ANO2: variants seen among roughly 807,000 people sequenced by gnomAD.
The protein encoded by ANO2 is anoctamin-2.
ANO2 carries 101 observed loss-of-function variants against 124.2 expected under a neutral mutation model. The ratio of observed to expected loss-of-function variants is 0.81; its 90% CI spans 0.69 to 0.96. The LOEUF is 0.96. Among genes scored for constraint, ANO2 ranks in the 40% least tolerant of loss-of-function variants. ANO2 has a pLI of 0.00. For missense variants in ANO2, 1,293 were observed against 1,274.5 expected (o/e 1.01, Z -0.22); for synonymous variants, 486 against 482.5 (o/e 1.01, Z -0.09).
intron 16 of ANO2, among the ~76,000 whole-genome samples, chr12:5,623,248 G>A (rs1005304610): frequency 6.6e-6 from 1 of 152,144 alleles, no homozygotes; most frequent in African/African-American, 2.4e-5. Context: ...GAATCTAATG[G>A]AGAGAGGGTG....
chr12:5,814,509 AC>A (rs1380987496), intron 7 of ANO2, among the ~76,000 whole-genome samples: 1 of 140,776 alleles, frequency 7.1e-6, no homozygotes, highest in African/African-American at 2.7e-5. Flanking sequence ...TCCCACTCCC[AC>A]TTCATTTTCA....
chr12:5,838,658 C>A (rs1954406067), intron 4 of ANO2, among the ~76,000 whole-genome samples: 2 of 152,184 alleles, frequency 1.3e-5, no homozygotes, highest in Admixed American at 6.5e-5. Flanking sequence ...TGCCAACCCT[C>A]CCAGGAGCCC....
In ANO2 at chr12:5,654,053, G is replaced by C. The variant is rs149545739; in HGVS notation, c.1546-6252C>G. 2.6e-5 allele frequency among the ~76,000 whole-genome samples: 4 copies of C among 152,344 alleles called. No homozygotes were observed. The East Asian group carries it at 7.7e-4, about 29-fold the overall frequency. On this transcript the variant is annotated intron_variant, in intron 14 of 24. Transcript: ENST00000682330. Reference sequence around the variant, plus strand: ...ATTCCTGACTATCTGGTAATCTACAGTGCATCTTTCATTATGACATGAAGG... The same window carrying C: ...ATTCCTGACTATCTGGTAATCTACACTGCATCTTTCATTATGACATGAAGG...
intron 11 of ANO2, among the ~76,000 whole-genome samples, chr12:5,750,117 T>C (rs1951392518): frequency 6.6e-6 from 1 of 151,852 alleles, no homozygotes; most frequent in Non-Finnish European, 1.5e-5. Flanking sequence ...TTTTTTTTTT[T>C]AGAGATGAGG....
chr12:5,654,461 T>C (rs1261491768), intron 14 of ANO2, among the ~76,000 whole-genome samples: 1 of 152,218 alleles, frequency 6.6e-6, no homozygotes, highest in African/African-American at 2.4e-5. Context: ...TGCATTCAGT[T>C]CTGTGTACTG....
intron 20 of ANO2, among the ~76,000 whole-genome samples, chr12:5,583,443 G>A (rs1942873883): frequency 6.6e-6 from 1 of 151,874 alleles, no homozygotes; most frequent in East Asian, 1.9e-4. Context: ...CACAAGGTCA[G>A]GAGATCGAGA....
At chr12:5,655,336 A>G (rs1947103833) in intron 14 of ANO2, among the ~76,000 whole-genome samples, 1 of 152,114 alleles carries the variant, frequency 6.6e-6, no homozygotes, top group African/African-American at 2.4e-5. Context: ...CTTTATCTTA[A>G]AACTGTTTTC....
chr12:5,923,265 C>CGCAT (rs1418942961), intron 1 of ANO2, among the ~76,000 whole-genome samples: 12 of 111,830 alleles, frequency 1.1e-4, no homozygotes, highest in African/African-American at 1.8e-4. Flanking sequence ...CATACACACA[C>CGCAT]ACACACACAC....
At chr12:5,598,388 C>T (rs1270199440) in intron 20 of ANO2, among the ~76,000 whole-genome samples, 1 of 120,854 alleles carries the variant, frequency 8.3e-6, no homozygotes, top group Non-Finnish European at 1.8e-5. Context: ...GACAGACTCT[C>T]ATTCTGTTGG....
At chr12:5,645,415 G>T (rs1195721953) in intron 15 of ANO2, among the ~76,000 whole-genome samples, 1 of 151,412 alleles carries the variant, frequency 6.6e-6, no homozygotes, top group African/African-American at 2.4e-5. Flanking sequence ...ATCCATGGTC[G>T]TGTGTGTGTG....
chr12:5,891,992 C>T (rs1263973472), intron 3 of ANO2, among the ~76,000 whole-genome samples: 1 of 151,320 alleles, frequency 6.6e-6, no homozygotes, highest in Non-Finnish European at 1.5e-5. Flanking sequence ...CTGACCAATG[C>T]TTTAAAGTAG....
At chr12:5,727,633 TCC>T (rs1491154019) in intron 14 of ANO2, among the ~76,000 whole-genome samples, 1 of 110,052 alleles carries the variant, frequency 9.1e-6, no homozygotes, top group South Asian at 3.6e-4. Context: ...TCTCACCACT[TCC>T]TTTTTTTTTT....
chr12:5,832,574 A>G lies in ANO2; in HGVS notation c.663T>C (p.Ile221=), dbSNP rs753013911. 1.2e-6 allele frequency: 2 copies of G among 1,613,798 alleles called. No individual in the cohort carries two copies. The highest frequency in any genetic ancestry group is 1.7e-6 in the Non-Finnish European group (2 of 1,179,808). ...KMYEIKAGGS[I]AKKFSAALQK... ...GCAGAGCCGCGCTGAACTTCTTTGC[A>G]ATGCTGCCTCCTGCTTTGATCTCGT... The change falls in exon 5 of 25, where the codon ATT becomes ATC. Residue 221 remains isoleucine, a synonymous_variant. Transcript: ENST00000682330.
intron 14 of ANO2, among the ~76,000 whole-genome samples, chr12:5,651,508 A>G (rs1178366318): frequency 6.6e-6 from 1 of 151,870 alleles, no homozygotes; most frequent in Non-Finnish European, 1.5e-5. Flanking sequence ...GCAACCTCCA[A>G]CTCCTGGGCT....
At chr12:5,564,793 G>A (rs1297558088) in intron 24 of ANO2, among the ~76,000 whole-genome samples, 1 of 152,178 alleles carries the variant, frequency 6.6e-6, no homozygotes, top group Non-Finnish European at 1.5e-5. Flanking sequence ...TCTTCTTTAG[G>A]TGAAAGACTA....
chr12:5,599,473 T>C lies in ANO2; in HGVS notation c.2233+11A>G, dbSNP rs777675768. 2 of 1,595,914 alleles carry C rather than the reference T, an allele frequency of 1.3e-6. No individual in the cohort carries two copies. Among genetic ancestry groups the C allele is most frequent in the Non-Finnish European group, 1.7e-6 (2 of 1,174,454 alleles). On this transcript the variant is annotated intron_variant, in intron 20 of 24. Coordinates refer to ENST00000682330, the MANE Select transcript of ANO2 (RefSeq NM_001364791.2). ...CTGCCCCCAGTGGAAGGCAGGACCA[T>C]GGGTTCTCACTCATTTCCATGTACT...
chr12:5,844,903 T>C (rs1422350491), intron 4 of ANO2, among the ~76,000 whole-genome samples: 1 of 151,114 alleles, frequency 6.6e-6, no homozygotes, highest in Admixed American at 6.6e-5. Flanking sequence ...ACTTTGACTG[T>C]CCTGGTAAAT....
chr12:5,624,795 G>A (rs549696915), intron 16 of ANO2, among the ~76,000 whole-genome samples: 4 of 152,300 alleles, frequency 2.6e-5, no homozygotes, highest in Admixed American at 6.5e-5. Flanking sequence ...GAAGGAATAT[G>A]TAGTGAAATG....
intron 6 of ANO2, 85 bp from the exon 7 acceptor site, chr12:5,827,905 G>A: frequency 2.0e-6 from 3 of 1,468,626 alleles, no homozygotes; most frequent in Non-Finnish European, 2.8e-6. Context: ...GCCTGGCAGG[G>A]GCGGGAGGCG....
Sources: gnomAD v4.1 joint callset for allele counts (sites outside exome capture counted in the v4.1 genomes callset) on GRCh38, gnomAD v4.1.1 for gene constraint, MANE v1.5 for transcripts, NCBI Gene and HGNC (gene_info 2026-07-23, HGNC 2026-07-21) for gene names.